The following GABRB1 variants were observed in gnomAD, a reference collection of about 807,000 sequenced individuals.
The protein encoded by GABRB1 is gamma-aminobutyric acid receptor subunit beta-1.
In GABRB1, 17 loss-of-function variants were observed where a neutral mutation model predicts 51.6. The ratio of observed to expected loss-of-function variants is 0.33; its 90% CI spans 0.23 to 0.49. GABRB1 has a LOEUF of 0.49. GABRB1 is among the 20% of genes least tolerant of loss of function. GABRB1 has a pLI of 0.99. For missense variants in GABRB1, 410 were observed against 600.6 expected, an observed-to-expected ratio of 0.68 and a Z score of 3.32; for synonymous variants, 247 against 218.9, an observed-to-expected ratio of 1.13 and a Z score of -1.14.
At chr4:47,333,190 TTATTTATA>T (rs1451151075) in intron 5 of GABRB1, among the ~76,000 whole-genome samples, 1,465 of 83,438 alleles carry the variant, frequency 0.018, 41 homozygotes, top group East Asian at 0.054. Flanking sequence ...AAAACCCATT[TTATTTATA>T]TATATATATA....
intron 5 of GABRB1, among the ~76,000 whole-genome samples, chr4:47,360,443 TACA>T (rs1378823851): frequency 6.6e-6 from 1 of 152,018 alleles, no homozygotes; most frequent in Non-Finnish European, 1.5e-5. Flanking sequence ...GCCAATTTCC[TACA>T]ACAAGTTTGA....
intron 4 of GABRB1, among the ~76,000 whole-genome samples, chr4:47,263,531 T>TTTTTTTAGA (rs1481845203): frequency 6.6e-6 from 1 of 152,158 alleles, no homozygotes; most frequent in Non-Finnish European, 1.5e-5. Flanking sequence ...ATTTCTAAAA[T>TTTTTTTAGA]ACTGGGATTT....
chr4:47,334,901 GTAAAGGA>G (rs1198184799), intron 5 of GABRB1, among the ~76,000 whole-genome samples: 1 of 152,216 alleles, frequency 6.6e-6, no homozygotes, highest in Non-Finnish European at 1.5e-5. Flanking sequence ...AAAGGCAGAT[GTAAAGGA>G]CTTGTTCTCT....
chr4:47,102,442 T>G (rs563287223), intron 3 of GABRB1, among the ~76,000 whole-genome samples: 1 of 152,012 alleles, frequency 6.6e-6, no homozygotes, highest in African/African-American at 2.4e-5. Flanking sequence ...GCAAATAGAA[T>G]GCAATGTGAG....
chr4:47,170,623 A>G (rs1718399831), intron 4 of GABRB1, among the ~76,000 whole-genome samples: 2 of 152,128 alleles, frequency 1.3e-5, no homozygotes, highest in African/African-American at 4.8e-5. Flanking sequence ...GCTAGGTAAA[A>G]ATACTGTGCG....
intron 3 of GABRB1, among the ~76,000 whole-genome samples, chr4:47,136,517 T>TA (rs1553918409): frequency 0.25 from 35,038 of 138,922 alleles, 4,588 homozygotes; most frequent in East Asian, 0.5. Flanking sequence ...AAGACCAAAT[T>TA]AAAAAAAAAT....
intron 5 of GABRB1, among the ~76,000 whole-genome samples, chr4:47,322,439 G>C (rs956306826): frequency 6.6e-6 from 1 of 152,178 alleles, no homozygotes; most frequent in African/African-American, 2.4e-5. Flanking sequence ...GTCTACAGAG[G>C]CAGGAACTTA....
At chr4:47,288,866 T>C (rs917975478) in intron 4 of GABRB1, among the ~76,000 whole-genome samples, 1 of 152,242 alleles carries the variant, frequency 6.6e-6, no homozygotes, top group Non-Finnish European at 1.5e-5. Context: ...ACAAGCGGTC[T>C]ACCCAGAGTT....
rs902235672 is a variant in GABRB1 at position 47,111,856 on chromosome 4, C to T, written c.241-49393C>T. 1.3e-5 allele frequency among the ~76,000 whole-genome samples: 2 copies of T among 152,042 alleles called. 1 individual carries two copies. The highest frequency in any genetic ancestry group is 4.2e-4 in the South Asian group (2 of 4,814). ...CTCCAACCTGGGCGAGAGTGAGACC[C>T]TGCAATGCAACAATCGTAATGTATA... On this transcript the variant is annotated intron_variant, in intron 3 of 8. Coordinates refer to ENST00000295454, the MANE Select transcript of GABRB1 (RefSeq NM_000812.4).
At chr4:47,169,889 T>C (rs1397904545) in intron 4 of GABRB1, among the ~76,000 whole-genome samples, 1 of 152,160 alleles carries the variant, frequency 6.6e-6, no homozygotes, top group African/African-American at 2.4e-5. Flanking sequence ...CTGCACATCA[T>C]TTCTAGGAAG....
At chr4:47,310,650 G>A (rs1226653939) in intron 4 of GABRB1, among the ~76,000 whole-genome samples, 6 of 152,090 alleles carry the variant, frequency 3.9e-5, no homozygotes, top group Non-Finnish European at 7.4e-5. Context: ...CATAGACTAT[G>A]TAAACTTGGA....
At chr4:47,177,347 A>G (rs1482712254) in intron 4 of GABRB1, among the ~76,000 whole-genome samples, 1 of 152,118 alleles carries the variant, frequency 6.6e-6, no homozygotes, top group African/African-American at 2.4e-5. Context: ...GGGCAGAACT[A>G]GAGAAGAGGG....
At chr4:47,314,890 T>C (rs1724830376) in intron 4 of GABRB1, among the ~76,000 whole-genome samples, 1 of 151,918 alleles carries the variant, frequency 6.6e-6, no homozygotes, top group South Asian at 2.1e-4. Flanking sequence ...CAACTCAAGA[T>C]GGATTAAAGA....
chr4:47,363,019 C>CAT (rs377570963), intron 5 of GABRB1, among the ~76,000 whole-genome samples: 4 of 118,946 alleles, frequency 3.4e-5, no homozygotes, highest in African/African-American at 6.2e-5. Flanking sequence ...AGTGTCTAAG[C>CAT]GTGTGTGTGT....
At chr4:47,170,779 T>C (rs1718406219) in intron 4 of GABRB1, among the ~76,000 whole-genome samples, 1 of 152,132 alleles carries the variant, frequency 6.6e-6, no homozygotes, top group Non-Finnish European at 1.5e-5. Flanking sequence ...AAAGAATAGG[T>C]AACTCAGTTT....
At chr4:47,229,924 A>G (rs1721078131) in intron 4 of GABRB1, among the ~76,000 whole-genome samples, 1 of 152,120 alleles carries the variant, frequency 6.6e-6, no homozygotes, top group Non-Finnish European at 1.5e-5. Context: ...TAGCCTCCCA[A>G]ATGATAAGAA....
chr4:47,328,317 T>C (rs1725330814), intron 5 of GABRB1, among the ~76,000 whole-genome samples: 2 of 152,212 alleles, frequency 1.3e-5, no homozygotes, highest in Admixed American at 1.3e-4. Context: ...TTTAGTTTAA[T>C]GAGATCCCAT....
intron 5 of GABRB1, among the ~76,000 whole-genome samples, chr4:47,368,149 G>A (rs1560354441): frequency 6.6e-6 from 1 of 152,072 alleles, no homozygotes; most frequent in Non-Finnish European, 1.5e-5. Context: ...GATGTCCAAA[G>A]GCATTTCCCA....
At chr4:47,364,820 GCTTAAAATTTGTTTCCTT>G (rs549859049) in intron 5 of GABRB1, among the ~76,000 whole-genome samples, 223 of 149,218 alleles carry the variant, frequency 1.5e-3, no homozygotes, top group African/African-American at 5.2e-3. Flanking sequence ...TTTAAAGACT[GCTTAAAATTTGTTTCCTT>G]CTTAAAATGG....
Sources: gnomAD v4.1 joint callset for allele counts (sites outside exome capture counted in the v4.1 genomes callset) on GRCh38, gnomAD v4.1.1 for gene constraint, MANE v1.5 for transcripts, NCBI Gene and HGNC (gene_info 2026-07-23, HGNC 2026-07-21) for gene names.